Variants in SHROOM4 observed in about 807,000 individuals in gnomAD.
SHROOM4 encodes shroom family member 4, also known as protein Shroom4.
A neutral mutation model predicts 80.3 loss-of-function variants in SHROOM4; 17 were observed. That is an observed-to-expected ratio of 0.21 (90% CI 0.14 to 0.32). The LOEUF is 0.32. SHROOM4 is among the 10% of genes least tolerant of loss of function. SHROOM4 has a pLI of 1.00. For missense variants in SHROOM4, 993 were observed against 1,140.3 expected (o/e 0.87, Z 1.86); for synonymous variants, 400 against 437.5 (o/e 0.91, Z 1.07).
intron 2 of SHROOM4, among the ~76,000 whole-genome samples, chrX:50,663,019 T>C (rs782731238): frequency 3.6e-5 from 4 of 111,453 alleles, no homozygotes; most frequent in Non-Finnish European, 7.5e-5. Context: ...GGGCAGATTA[T>C]GTTTTTAGGA....
At chrX:50,644,956 C>T (rs1251950796) in intron 2 of SHROOM4, among the ~76,000 whole-genome samples, 2 of 112,027 alleles carry the variant, frequency 1.8e-5, no homozygotes, top group Non-Finnish European at 3.8e-5. Flanking sequence ...TTTAATATTA[C>T]CCGTATGCAA....
Position 50,622,315 on chromosome X carries a change from A to G in SHROOM4, c.2957+5299T>C, listed in dbSNP as rs1321840925. Reference sequence around the variant, plus strand: ...CATATAAAAACACCCTACACATTCTAAAGTTCTGTGCAAAGTGAAAAAAAT... The same window carrying G: ...CATATAAAAACACCCTACACATTCTGAAGTTCTGTGCAAAGTGAAAAAAAT... On this transcript the variant is annotated intron_variant, in intron 5 of 8. Transcript: ENST00000376020. Among the ~76,000 whole-genome samples, 7 of 111,980 alleles carry G rather than the reference A, an allele frequency of 6.3e-5. No homozygotes were observed. In the East Asian group the frequency reaches 8.4e-4, roughly 13 times the overall value.
At chrX:50,696,296 T>C (rs1933368044) in intron 1 of SHROOM4, among the ~76,000 whole-genome samples, 1 of 112,024 alleles carries the variant, frequency 8.9e-6, no homozygotes, top group Non-Finnish European at 1.9e-5. Flanking sequence ...CCAGAAGAGC[T>C]AGGCTCCATC....
chrX:50,650,902 C>G (rs1932025598), intron 2 of SHROOM4, among the ~76,000 whole-genome samples: 1 of 111,749 alleles, frequency 8.9e-6, no homozygotes, highest in South Asian at 3.7e-4. Flanking sequence ...ATTCTTTTGT[C>G]TTACTATTTT....
At chrX:50,785,738 G>T (rs2147687136) in intron 1 of SHROOM4, among the ~76,000 whole-genome samples, 1 of 111,063 alleles carries the variant, frequency 9.0e-6, no homozygotes, top group East Asian at 2.8e-4. Context: ...CTTAATTATG[G>T]TAATAGTTTC....
intron 1 of SHROOM4, among the ~76,000 whole-genome samples, chrX:50,786,438 G>A (rs1011154159): frequency 8.1e-5 from 9 of 111,791 alleles, no homozygotes; most frequent in East Asian, 2.8e-4. Flanking sequence ...CACGTGTCCC[G>A]TGCTCCAACC....
chrX:50,730,095 G>A (rs1934334303), intron 1 of SHROOM4, among the ~76,000 whole-genome samples: 1 of 111,999 alleles, frequency 8.9e-6, no homozygotes, highest in African/African-American at 3.2e-5. Flanking sequence ...TAGTGACAAG[G>A]AATATATTTC....
At chrX:50,646,528 G>T (rs1181360841) in intron 2 of SHROOM4, among the ~76,000 whole-genome samples, 3 of 9,677 alleles carry the variant, frequency 3.1e-4, no homozygotes, top group Non-Finnish European at 7.0e-4. Flanking sequence ...GGGGGGAAGA[G>T]TGTGTGTGTG....
At chrX:50,727,608 TTCTC>T (rs1376254433) in intron 1 of SHROOM4, among the ~76,000 whole-genome samples, 2 of 111,772 alleles carry the variant, frequency 1.8e-5, no homozygotes, top group Admixed American at 1.9e-4. Context: ...CTTCCTCACT[TTCTC>T]TCTCTCTTCT....
chrX:50,736,325 G>A (rs1055290369), intron 1 of SHROOM4, among the ~76,000 whole-genome samples: 3 of 110,985 alleles, frequency 2.7e-5, no homozygotes, highest in African/African-American at 6.6e-5. Flanking sequence ...CGTGTGCCAT[G>A]GTGGTTTGCT....
At chrX:50,760,451 C>T (rs1557268781) in intron 1 of SHROOM4, among the ~76,000 whole-genome samples, 1 of 107,912 alleles carries the variant, frequency 9.3e-6, no homozygotes, top group African/African-American at 3.4e-5. Flanking sequence ...AATCCTCCTA[C>T]ATCAGCCTCA....
rs190987073 is a variant in SHROOM4 at position 50,799,430 on chromosome X, T to C, written c.117+14472A>G. Among the ~76,000 whole-genome samples, 356 of 111,699 alleles carry C rather than the reference T, an allele frequency of 3.2e-3. 7 individuals are homozygous for C. The highest frequency in any genetic ancestry group is 0.031 in the Admixed American group (327 of 10,560). ...GTGAATTTCAACCTGTTCCCTTTAGTGCCCTTACATAACCTAATTGACTGC... is the reference window on the plus strand; with the variant it reads ...GTGAATTTCAACCTGTTCCCTTTAGCGCCCTTACATAACCTAATTGACTGC... On this transcript the variant is annotated intron_variant, in intron 1 of 8. Transcript: ENST00000376020.
At chrX:50,687,409 A>G (rs1207846223) in intron 2 of SHROOM4, among the ~76,000 whole-genome samples, 1 of 110,134 alleles carries the variant, frequency 9.1e-6, no homozygotes, top group African/African-American at 3.3e-5. Context: ...AGTTTACCCC[A>G]CCTCTGTTTT....
At chrX:50,615,941 T>C (rs181676035) in intron 5 of SHROOM4, among the ~76,000 whole-genome samples, 63 of 112,681 alleles carry the variant, frequency 5.6e-4, no homozygotes, top group East Asian at 2.8e-3. Context: ...ATTCTATTAC[T>C]GGGCTGATTT....
intron 1 of SHROOM4, among the ~76,000 whole-genome samples, chrX:50,787,099 A>T (rs1314020722): frequency 9.1e-6 from 1 of 109,886 alleles, no homozygotes; most frequent in African/African-American, 3.3e-5. Flanking sequence ...ACTCGCCTGT[A>T]GTCCCAGCTA....
chrX:50,769,184 G>T (rs1321571205), intron 1 of SHROOM4, among the ~76,000 whole-genome samples: 1 of 107,618 alleles, frequency 9.3e-6, no homozygotes, highest in African/African-American at 3.4e-5. Context: ...AGGAGGAAGG[G>T]AATGAAGGAG....
chrX:50,743,891 G>A (rs900398929), intron 1 of SHROOM4, among the ~76,000 whole-genome samples: 11 of 111,854 alleles, frequency 9.8e-5, no homozygotes, highest in Non-Finnish European at 2.1e-4. Context: ...CAGACATATT[G>A]GTTGATTTTT....
At chrX:50,582,131 C>T, downstream of SHROOM4, among the ~76,000 whole-genome samples, 1 of 111,762 alleles carries the variant, frequency 8.9e-6, no homozygotes, top group Non-Finnish European at 1.9e-5. Context: ...ATCTTGCTAG[C>T]TGATTTTAGA....
At chrX:50,579,348 A>G in the SHROOM4 span, among the ~76,000 whole-genome samples, 2 of 112,154 alleles carry the variant, frequency 1.8e-5, no homozygotes, top group Admixed American at 9.5e-5. Context: ...GAAGCGAAGT[A>G]GAATTGAGGC....
Sources: allele counts gnomAD v4.1 joint callset (sites outside exome capture counted in the v4.1 genomes callset), GRCh38; gene constraint gnomAD v4.1.1; transcripts MANE v1.5; gene names NCBI Gene and HGNC (gene_info 2026-07-23, HGNC 2026-07-21).